GOLM1: variants seen among roughly 807,000 people sequenced by gnomAD.
GOLM1 encodes the protein epididymis luminal protein 46.
In GOLM1, 31 loss-of-function variants were observed where a neutral mutation model predicts 50.5. The ratio of observed to expected loss-of-function variants is 0.61; its 90% CI spans 0.46 to 0.83. GOLM1 has a LOEUF of 0.83. Ranked by LOEUF, GOLM1 falls within the 40% of genes least tolerant of loss-of-function variation. The probability of loss-of-function intolerance (pLI) is 0.00; values close to 1 mark genes in which losing one functional copy is unlikely to be tolerated. For synonymous variants in GOLM1, 178 were observed against 192.8 expected, an observed-to-expected ratio of 0.92 and a Z score of 0.64; for missense variants, 491 against 501.3, an observed-to-expected ratio of 0.98 and a Z score of 0.20.
At chr9:86,070,190 A>T (rs1223949306) in intron 3 of GOLM1, among the ~76,000 whole-genome samples, 1 of 152,100 alleles carries the variant, frequency 6.6e-6, no homozygotes, top group Non-Finnish European at 1.5e-5. Context: ...ACCTAAAGCC[A>T]ATCTTTTTAG....
In GOLM1 at chr9:86,035,413, C is replaced by A; in HGVS notation, c.970G>T (p.Val324Phe). The A allele has an allele frequency of 6.2e-7, 1 of 1,614,058 alleles. No individual in the cohort carries two copies. Among genetic ancestry groups the A allele is most frequent in the African/African-American group, 1.3e-5 (1 of 75,028 alleles). ...TCCTCCTCCTGTCCGTCGGGGATGACAAGCTGGTCTCGCTCAGGGCCCTCC... is the reference window on the plus strand; with the variant it reads ...TCCTCCTCCTGTCCGTCGGGGATGAAAAGCTGGTCTCGCTCAGGGCCCTCC... ...EMEGPERDQLVIPDGQEEEQE... is the reference protein window; with the variant it reads ...EMEGPERDQLFIPDGQEEEQE... Residue 324 changes from valine (V) to phenylalanine (F), a missense_variant, in exon 8 of 10, where the codon GTC becomes TTC. By Grantham distance (50) the Val-to-Phe change is conservative. Transcript: ENST00000388712.
In GOLM1 at chr9:86,079,181, A is replaced by G; in HGVS notation, c.129+11T>C. The stretch of plus-strand genomic sequence containing the variant: ...CATAAAATAAACATAACAATAAAGA[A>G]AACAAAACACCTGGAGGTCCACGCT... On this transcript the variant is annotated intron_variant, in intron 2 of 9. Coordinates refer to ENST00000388712, the MANE Select transcript of GOLM1 (RefSeq NM_016548.4). The G allele has an allele frequency of 6.5e-7, 1 of 1,527,486 alleles. No homozygotes were observed. The highest frequency in any genetic ancestry group is 8.8e-7 in the Non-Finnish European group (1 of 1,137,510). 94.6% of individuals were successfully genotyped at this position (1,527,486 alleles called of 1,614,324 possible).
At chr9:86,099,130 G>C (rs1304048660) in intron 1 of GOLM1, among the ~76,000 whole-genome samples, 1 of 152,214 alleles carries the variant, frequency 6.6e-6, no homozygotes, top group African/African-American at 2.4e-5. Context: ...CTGCAGGGCA[G>C]GGAATCCTCG....
At chr9:86,053,548 A>C (rs115017512) in intron 3 of GOLM1, among the ~76,000 whole-genome samples, 4 of 380 alleles carry the variant, frequency 0.011, no homozygotes, top group East Asian at 0.019. Context: ...ACCACACCAA[A>C]CACACACTAC....
At chr9:86,044,048 GTA>G (rs1247782099) in intron 5 of GOLM1, among the ~76,000 whole-genome samples, 11 of 152,158 alleles carry the variant, frequency 7.2e-5, no homozygotes, top group African/African-American at 1.2e-4. Flanking sequence ...CCTTAGCACT[GTA>G]TATGTTTTAG....
At chr9:86,032,230 C>T (rs929438521) in intron 9 of GOLM1, among the ~76,000 whole-genome samples, 6 of 152,124 alleles carry the variant, frequency 3.9e-5, no homozygotes, top group Non-Finnish European at 7.3e-5. Flanking sequence ...TGCAGCGGTG[C>T]GATCTCAGCT....
chr9:86,097,633 C>T (rs1440220692), intron 1 of GOLM1, among the ~76,000 whole-genome samples: 1 of 152,240 alleles, frequency 6.6e-6, no homozygotes, highest in Non-Finnish European at 1.5e-5. Context: ...TGCCCATCAA[C>T]TGACACCTGT....
intron 3 of GOLM1, among the ~76,000 whole-genome samples, chr9:86,073,393 G>A (rs188961422): frequency 6.6e-6 from 1 of 152,298 alleles, no homozygotes; most frequent in East Asian, 1.9e-4. Context: ...GCCAGGTGAG[G>A]ACGGATTGCT....
At chr9:86,068,704 G>A (rs1012044863) in intron 3 of GOLM1, among the ~76,000 whole-genome samples, 2 of 152,244 alleles carry the variant, frequency 1.3e-5, no homozygotes, top group African/African-American at 4.8e-5. Flanking sequence ...ATACATGTTT[G>A]TTATGGGTTT....
chr9:86,082,415 G>A (rs1383200457), intron 1 of GOLM1, among the ~76,000 whole-genome samples: 6 of 143,348 alleles, frequency 4.2e-5, no homozygotes, highest in African/African-American at 1.6e-4. Flanking sequence ...GTCTCACTCT[G>A]TTGCTCAGGC....
At chr9:86,030,690 A>AT (rs1832948796) in intron 9 of GOLM1, among the ~76,000 whole-genome samples, 1 of 152,216 alleles carries the variant, frequency 6.6e-6, no homozygotes, top group African/African-American at 2.4e-5. Context: ...ACACTCACTA[A>AT]ATTTCAACAA....
chr9:86,044,463 T>A (rs1239762871), intron 5 of GOLM1, among the ~76,000 whole-genome samples: 1 of 152,146 alleles, frequency 6.6e-6, no homozygotes, highest in Non-Finnish European at 1.5e-5. Context: ...TTCTCCCAGG[T>A]TGCTGGTGAC....
At chr9:86,067,494 A>G (rs1246878174) in intron 3 of GOLM1, among the ~76,000 whole-genome samples, 2 of 152,228 alleles carry the variant, frequency 1.3e-5, no homozygotes, top group Non-Finnish European at 2.9e-5. Flanking sequence ...TAGTTTAAAA[A>G]CATTACCACA....
chr9:86,037,437 T>TAAA (rs1430262483), intron 6 of GOLM1, among the ~76,000 whole-genome samples: 1 of 88,172 alleles, frequency 1.1e-5, no homozygotes, highest in African/African-American at 5.7e-5. Context: ...AGACTGTCTC[T>TAAA]CAAAAAAAAA....
At chr9:86,053,266 CCAG>C (rs1833833938) in intron 3 of GOLM1, among the ~76,000 whole-genome samples, 1 of 133,578 alleles carries the variant, frequency 7.5e-6, no homozygotes, top group Non-Finnish European at 1.6e-5. Flanking sequence ...CACCACAACG[CCAG>C]ACCACACCAC....
At chr9:86,076,281 C>T (rs1463214904) in intron 3 of GOLM1, among the ~76,000 whole-genome samples, 2 of 151,612 alleles carry the variant, frequency 1.3e-5, no homozygotes, top group African/African-American at 2.4e-5. Context: ...ATTAGCTGGG[C>T]GTGGTGGCAC....
chr9:86,027,611 T>C lies in GOLM1; in HGVS notation c.*206A>G. On this transcript the variant is annotated 3_prime_UTR_variant, in exon 10 of 10. Coordinates refer to ENST00000388712, the MANE Select transcript of GOLM1 (RefSeq NM_016548.4). Reference sequence around the variant, plus strand: ...ACTACCAAAAATTGTGACACCTTATTAGACACTTCCAAAGTACCCCCCAAA... The same window carrying C: ...ACTACCAAAAATTGTGACACCTTATCAGACACTTCCAAAGTACCCCCCAAA... 2 of 1,353,124 alleles carry C rather than the reference T, an allele frequency of 1.5e-6. No homozygotes were observed. Among genetic ancestry groups the C allele is most frequent in the Non-Finnish European group, 1.9e-6 (2 of 1,057,172 alleles). The allele number at this position is 1,353,124 out of a possible 1,614,324, so 83.8% of individuals were successfully genotyped here. A position where few individuals can be genotyped will look rare whatever the true frequency, so the allele number is the denominator to read the frequency against.
At chr9:86,029,768 C>T (rs974737801) in intron 9 of GOLM1, among the ~76,000 whole-genome samples, 1 of 152,200 alleles carries the variant, frequency 6.6e-6, no homozygotes, top group Non-Finnish European at 1.5e-5. Context: ...AAAGAGCTGA[C>T]AAGGCACTCA....
chr9:86,060,876 C>CAAAAAAAAAAAAAAAAAAAAAAAA lies in GOLM1; in HGVS notation c.310-8309_310-8286dup, dbSNP rs753183065. 2.0e-4 allele frequency among the ~76,000 whole-genome samples: 4 copies of CAAAAAAAAAAAAAAAAAAAAAAAA among 19,910 alleles called. 1 individual carries two copies. The highest frequency in any genetic ancestry group is 5.0e-4 in the Non-Finnish European group (4 of 8,024). 13.1% of individuals were successfully genotyped at this position (19,910 alleles called of 152,430 possible). ...CTGGGCAACAAGAGCGAAACTCTCT[C>CAAAAAAAAAAAAAAAAAAAAAAAA]AAAAAAAAAAAAAAAAAAAAAAAAA... On this transcript the variant is annotated intron_variant, in intron 3 of 9. Coordinates refer to ENST00000388712, the MANE Select transcript of GOLM1 (RefSeq NM_016548.4).
Sources: allele counts gnomAD v4.1 joint callset (sites outside exome capture counted in the v4.1 genomes callset), GRCh38; gene constraint gnomAD v4.1.1; transcripts MANE v1.5; gene names NCBI Gene and HGNC (gene_info 2026-07-23, HGNC 2026-07-21).